Variants in POMT2 observed in about 807,000 individuals in gnomAD.
The protein encoded by POMT2 is protein O-mannosyl-transferase 2.
Under a neutral mutation model 100.0 loss-of-function variants are expected in POMT2, and 75 were observed. That is an observed-to-expected ratio of 0.75 (90% CI 0.62 to 0.91). The LOEUF is 0.91. POMT2 is among the 40% of genes least tolerant of loss of function. The pLI, the probability that POMT2 is intolerant of heterozygous loss-of-function variation, is 0.00. For synonymous variants in POMT2, 378 were observed against 374.1 expected, an observed-to-expected ratio of 1.01 and a Z score of -0.12; for missense variants, 940 against 955.1, an observed-to-expected ratio of 0.98 and a Z score of 0.21.
chr14:77,296,026 G>A (rs1159198689), intron 9 of POMT2, 138 bp downstream of exon 9: 3 of 762,676 alleles, frequency 3.9e-6, no homozygotes, highest in Non-Finnish European at 2.3e-6. Context: ...GGGTTAGCCA[G>A]AGAAAACAGA....
At chr14:77,287,153 G>A in intron 11 of POMT2, 1 of 362,106 alleles carries the variant, frequency 2.8e-6, no homozygotes, top group Non-Finnish European at 5.3e-6. Flanking sequence ...CCTGACTTAG[G>A]AGGCAGGTTT....
chr14:77,311,748 C>T (rs1891440904), intron 2 of POMT2, among the ~76,000 whole-genome samples: 1 of 152,186 alleles, frequency 6.6e-6, no homozygotes, highest in Non-Finnish European at 1.5e-5. Context: ...CTGATGGGCC[C>T]TCTTTCCATT....
intron 16 of POMT2, 105 bp downstream of exon 16, chr14:77,280,287 G>GT: frequency 1.3e-6 from 2 of 1,574,270 alleles, no homozygotes; most frequent in Non-Finnish European, 1.7e-6. Flanking sequence ...ATCCCAGGAG[G>GT]CCCCTCGCCC....
intron 1 of POMT2, among the ~76,000 whole-genome samples, chr14:77,316,123 AAGGAC>A (rs1387882218): frequency 6.6e-5 from 10 of 152,232 alleles, no homozygotes; most frequent in Non-Finnish European, 1.5e-4. Flanking sequence ...CCCTTTTTAA[AAGGAC>A]AGCTATTAAC....
chr14:77,311,671 T>C (rs1891438739), intron 2 of POMT2, among the ~76,000 whole-genome samples: 2 of 152,244 alleles, frequency 1.3e-5, no homozygotes, highest in Admixed American at 1.3e-4. Context: ...CAGAACCTCA[T>C]CCCTTTTTAT....
rs1363639115 is a variant in POMT2 at position 77,320,469 on chromosome 14, G to GGTGGCGAAGGACAGCAGC, written c.195_212dup (p.Leu66_Thr71dup). 8.4e-6 allele frequency: 13 copies of GGTGGCGAAGGACAGCAGC among 1,545,766 alleles called. No individual in the cohort carries two copies. The highest frequency in any genetic ancestry group is 9.6e-6 in the Non-Finnish European group (11 of 1,147,214). On this transcript the variant is annotated inframe_insertion, in exon 1 of 21. Transcript: ENST00000261534. ...GCGGCTCGTCCAAGCGGTGGAAGCG[G>GGTGGCGAAGGACAGCAGC]GTGGCGAAGGACAGCAGCGTCACCA...
chr14:77,291,984 C>A (rs759633070), intron 9 of POMT2, among the ~76,000 whole-genome samples: 1 of 151,942 alleles, frequency 6.6e-6, no homozygotes, highest in Non-Finnish European at 1.5e-5. Context: ...GAGCTGAGAT[C>A]GCGCCACTGC....
chr14:77,301,287 G>A lies in POMT2; in HGVS notation c.657-38C>T, dbSNP rs763386665. ...AAGACGGAGTTCAATTTGGCAGCTG[G>A]AACCAAAGCCAAACGCAAGCGCAGC... is the stretch of plus-strand genomic sequence containing the variant. On this transcript the variant is annotated intron_variant, in intron 5 of 20. Coordinates refer to ENST00000261534, the MANE Select transcript of POMT2 (RefSeq NM_013382.7). 5.0e-6 allele frequency: 8 copies of A among 1,612,630 alleles called. No homozygotes were observed. In the African/African-American group the frequency reaches 5.3e-5, roughly 11 times the overall value.
chr14:77,312,773 T>C (rs1372082012), intron 1 of POMT2: 4 of 152,260 alleles, frequency 2.6e-5, no homozygotes, highest in Non-Finnish European at 4.4e-5. Flanking sequence ...GAAGGTCCAT[T>C]ACGACGCTGT....
chr14:77,309,769 A>G (rs1055932815), intron 2 of POMT2, among the ~76,000 whole-genome samples: 5 of 152,138 alleles, frequency 3.3e-5, no homozygotes, highest in Admixed American at 3.3e-4. Context: ...TGCAACCTCT[A>G]CCTCCCAGGT....
intron 1 of POMT2, among the ~76,000 whole-genome samples, chr14:77,317,476 T>C (rs1222610238): frequency 6.6e-6 from 1 of 152,188 alleles, no homozygotes; most frequent in East Asian, 1.9e-4. Flanking sequence ...CAACAGTCAA[T>C]AGCCAAGGTA....
intron 2 of POMT2, chr14:77,308,801 T>C: frequency 8.9e-6 from 4 of 447,938 alleles, no homozygotes; most frequent in Non-Finnish European, 8.9e-6. Flanking sequence ...TAAATGTGCA[T>C]ATTCTTCGAT....
chr14:77,299,324 A>C, intron 7 of POMT2, 131 bp downstream of exon 7: 1 of 799,762 alleles, frequency 1.3e-6, no homozygotes, highest in Non-Finnish European at 2.2e-6. Flanking sequence ...GCAGGAAAGA[A>C]ACAGGAAAAA....
At chr14:77,317,619 C>T (rs1224412118) in intron 1 of POMT2, among the ~76,000 whole-genome samples, 1 of 152,242 alleles carries the variant, frequency 6.6e-6, no homozygotes, top group Non-Finnish European at 1.5e-5. Context: ...GCAAACCTTA[C>T]TGAAGCAGTT....
chr14:77,278,474 G>A lies in POMT2; in HGVS notation c.2067C>T (p.Ala689=), dbSNP rs2140160871. 1.3e-6 allele frequency: 2 copies of A among 1,502,048 alleles called. No homozygotes were observed. Among genetic ancestry groups the A allele is most frequent in the African/African-American group, 1.4e-5 (1 of 72,100 alleles). The allele number at this position is 1,502,048 out of a possible 1,614,324, so 93.0% of individuals were successfully genotyped here. A position where few individuals can be genotyped will look rare whatever the true frequency, so the allele number is the denominator to read the frequency against. The part of the protein sequence containing the change: ...ILWDTLLRLC[A]WGLASWPLAR... ...CCAGGGGCCATGAGGCCAAGCCCCA[G>A]GCACAGAGCCGCAGGAGGGTGTCCC... The change falls in exon 20 of 21, where the codon GCC becomes GCT. Residue 689 remains alanine, a synonymous_variant. Coordinates refer to ENST00000261534, the MANE Select transcript of POMT2 (RefSeq NM_013382.7).
intron 20 of POMT2, among the ~76,000 whole-genome samples, 192 bp from the exon 21 acceptor site, chr14:77,277,673 T>C (rs1890022431): frequency 6.6e-6 from 1 of 152,220 alleles, no homozygotes; most frequent in Non-Finnish European, 1.5e-5. Context: ...GCTGACTCAA[T>C]GACAATCATG....
Position 77,291,386 on chromosome 14 carries a change from T to TG in POMT2, c.1117-7dup, listed in dbSNP as rs763015036. ...TTGTGCAAATAGGTGGTGACCTGGGTGGGGGGTGGGGGCGGAGGGAAGAGG... is the reference window on the plus strand; with the variant it reads ...TTGTGCAAATAGGTGGTGACCTGGGTGGGGGGGTGGGGGCGGAGGGAAGAGG... On this transcript the variant is annotated splice_region_variant and splice_polypyrimidine_tract_variant and intron_variant, in intron 9 of 20. Coordinates refer to ENST00000261534, the MANE Select transcript of POMT2 (RefSeq NM_013382.7). 1.9e-6 allele frequency: 1 copy of TG among 519,668 alleles called. No individual in the cohort carries two copies. The highest frequency in any genetic ancestry group is 3.2e-6 in the Non-Finnish European group (1 of 309,890). The allele number at this position is 519,668 out of a possible 1,614,324, so 32.2% of individuals were successfully genotyped here.
intron 7 of POMT2, 109 bp from the exon 8 acceptor site, chr14:77,298,880 A>C: frequency 9.4e-7 from 1 of 1,060,738 alleles, no homozygotes; most frequent in Non-Finnish European, 1.4e-6. Context: ...AAGTAGAATC[A>C]GATCATGGGA....
At chr14:77,281,152 T>C (rs1890217816) in intron 15 of POMT2, among the ~76,000 whole-genome samples, 1 of 151,152 alleles carries the variant, frequency 6.6e-6, no homozygotes, top group South Asian at 2.1e-4. Context: ...TAAGGCTTAC[T>C]TATTTGTTCC....
Sources: allele counts gnomAD v4.1 joint callset (sites outside exome capture counted in the v4.1 genomes callset), GRCh38; gene constraint gnomAD v4.1.1; transcripts MANE v1.5; gene names NCBI Gene and HGNC (gene_info 2026-07-23, HGNC 2026-07-21).